Variants in KIF27 observed in about 807,000 individuals in gnomAD.
KIF27 encodes kinesin-like protein KIF27.
A neutral mutation model predicts 141.8 loss-of-function variants in KIF27; 84 were observed. The observed-to-expected ratio is 0.59, with a 90% CI of 0.50 to 0.71. The LOEUF (loss-of-function observed/expected upper bound fraction) is 0.71. Ranked by LOEUF, KIF27 falls within the 30% of genes least tolerant of loss-of-function variation. The probability of loss-of-function intolerance (pLI) is 0.00; values close to 1 mark genes in which losing one functional copy is unlikely to be tolerated. For synonymous variants in KIF27, 471 were observed against 569.5 expected (o/e 0.83, Z 2.46); for missense variants, 1,306 against 1,628.4 (o/e 0.80, Z 3.41).
At chr9:83,900,747 GTATA>G (rs779373948) in intron 4 of KIF27, among the ~76,000 whole-genome samples, 19 of 151,804 alleles carry the variant, frequency 1.3e-4, no homozygotes, top group African/African-American at 4.6e-4. Flanking sequence ...ATATATACGT[GTATA>G]TATATGTATA....
chr9:83,850,149 T>C lies in KIF27; in HGVS notation c.3506A>G (p.Gln1169Arg), dbSNP rs1948378136. The C allele has an allele frequency of 3.1e-6, 5 of 1,613,880 alleles. No individual in the cohort carries two copies. The African/African-American group carries it at 5.3e-5, about 17-fold the overall frequency. Residue 1169 changes from glutamine to arginine, a missense_variant, in exon 16 of 18, where the codon CAG becomes CGG. Physicochemically the swap from Gln to Arg is conservative, Grantham distance 43 (BLOSUM62 1). Coordinates refer to ENST00000297814, the MANE Select transcript of KIF27 (RefSeq NM_017576.4). ...KLQCDRRLTLQQKEHEQKMQL... is the reference protein window; with the variant it reads ...KLQCDRRLTLRQKEHEQKMQL... Reference sequence around the variant, plus strand: ...CATCTTTTGTTCGTGTTCCTTTTGCTGGAGGGTCAGTCTCCGGTCACACTG... The same window carrying C: ...CATCTTTTGTTCGTGTTCCTTTTGCCGGAGGGTCAGTCTCCGGTCACACTG...
In KIF27 at chr9:83,853,853, C is replaced by A; in HGVS notation, c.3151-18G>T. On this transcript the variant is annotated intron_variant, in intron 14 of 17. Coordinates refer to ENST00000297814, the MANE Select transcript of KIF27 (RefSeq NM_017576.4). ...TGTTCTTCCTAGATATAACAGAAAT[C>A]ACTCATTTTAAATGAAATAGTATAA... The A allele has an allele frequency of 6.5e-7, 1 of 1,537,790 alleles. No homozygotes were observed. Among genetic ancestry groups the A allele is most frequent in the Non-Finnish European group, 9.0e-7 (1 of 1,111,746 alleles).
chr9:83,881,346 G>C (rs1196061973), intron 10 of KIF27, among the ~76,000 whole-genome samples: 2 of 152,074 alleles, frequency 1.3e-5, no homozygotes, highest in Non-Finnish European at 2.9e-5. Flanking sequence ...GCATAAAAAA[G>C]GTAAAGGGAT....
intron 17 of KIF27, among the ~76,000 whole-genome samples, chr9:83,838,241 G>GTT (rs11409684): frequency 2.7e-4 from 41 of 149,788 alleles, no homozygotes; most frequent in African/African-American, 4.4e-4. Context: ...GTTTTTTGTT[G>GTT]TTTTTTTTTT....
intron 14 of KIF27, 108 bp from the exon 15 acceptor site, chr9:83,853,943 T>C: frequency 2.5e-6 from 2 of 791,962 alleles, no homozygotes; most frequent in South Asian, 1.7e-5. Flanking sequence ...TTACCACTCT[T>C]GTACTAGATT....
intron 12 of KIF27, among the ~76,000 whole-genome samples, chr9:83,868,854 C>T (rs1464690567): frequency 6.6e-6 from 1 of 152,110 alleles, no homozygotes; most frequent in African/African-American, 2.4e-5. Context: ...ATAGTATAAT[C>T]TTATAAGCAC....
At chr9:83,912,524 A>G (rs572188874) in intron 2 of KIF27, among the ~76,000 whole-genome samples, 16 of 152,366 alleles carry the variant, frequency 1.1e-4, no homozygotes, top group African/African-American at 3.8e-4. Context: ...TCCAGAATAA[A>G]TAATTGACCA....
intron 17 of KIF27, among the ~76,000 whole-genome samples, chr9:83,841,929 T>C (rs985119705): frequency 1.2e-4 from 18 of 152,340 alleles, no homozygotes; most frequent in South Asian, 1.0e-3. Flanking sequence ...CTTAATTTAC[T>C]ATAAAATAGG....
intron 13 of KIF27, among the ~76,000 whole-genome samples, chr9:83,863,990 G>T (rs1950155528): frequency 6.6e-6 from 1 of 152,096 alleles, no homozygotes; most frequent in African/African-American, 2.4e-5. Context: ...TTCTCTGATG[G>T]TAGTTTGTAT....
chr9:83,907,928 T>G (rs1404700791), intron 3 of KIF27, among the ~76,000 whole-genome samples: 2 of 152,184 alleles, frequency 1.3e-5, no homozygotes, highest in South Asian at 4.1e-4. Flanking sequence ...TAACTTCACC[T>G]TACCAACCAG....
intron 14 of KIF27, chr9:83,858,541 G>A (rs1470154485): frequency 6.6e-6 from 1 of 152,034 alleles, no homozygotes; most frequent in East Asian, 1.9e-4. Context: ...AAAAGACAAA[G>A]TCTGGGGCAA....
chr9:83,846,273 T>C (rs192570354), intron 16 of KIF27, among the ~76,000 whole-genome samples: 1 of 152,302 alleles, frequency 6.6e-6, no homozygotes, highest in African/African-American at 2.4e-5. Context: ...AGACACTTAC[T>C]CCGGATGTGG....
intron 11 of KIF27, among the ~76,000 whole-genome samples, chr9:83,879,966 G>A (rs1156723403): frequency 6.6e-6 from 1 of 152,152 alleles, no homozygotes; most frequent in African/African-American, 2.4e-5. Context: ...TTTGAAAACA[G>A]AAAATCCTAT....
At chr9:83,910,141 C>T (rs1955000568) in intron 2 of KIF27, among the ~76,000 whole-genome samples, 1 of 151,950 alleles carries the variant, frequency 6.6e-6, no homozygotes, top group African/African-American at 2.4e-5. Context: ...AATACTAGAT[C>T]CAGAGAGGTG....
At chr9:83,848,075 A>ATATGATATATCATATATATGATATATC (rs373093955) in intron 16 of KIF27, among the ~76,000 whole-genome samples, 1 of 66,502 alleles carries the variant, frequency 1.5e-5, no homozygotes, top group African/African-American at 7.6e-5. Flanking sequence ...TATATGATAT[A>ATATGATATATCATATATATGATATATC]TGATATATCA....
chr9:83,915,279 G>A lies in KIF27; in HGVS notation c.298+15C>T. The A allele has an allele frequency of 6.3e-7, 1 of 1,578,076 alleles. No individual in the cohort carries two copies. Among genetic ancestry groups the A allele is most frequent in the African/African-American group, 1.4e-5 (1 of 73,338 alleles). ...TAGCGTCACAAATAAAAGTCAAAGAGTATAAGAATCTTACCAATATGGCCC... is the reference window on the plus strand; with the variant it reads ...TAGCGTCACAAATAAAAGTCAAAGAATATAAGAATCTTACCAATATGGCCC... On this transcript the variant is annotated intron_variant, in intron 2 of 17. Transcript: ENST00000297814.
At chr9:83,865,132 C>A (rs1288174309) in intron 13 of KIF27, among the ~76,000 whole-genome samples, 1 of 152,046 alleles carries the variant, frequency 6.6e-6, no homozygotes, top group Non-Finnish European at 1.5e-5. Flanking sequence ...TATATGATGT[C>A]TTTGATACTC....
rs534006178 is a variant in KIF27, at chr9:83,865,908, A to G, written c.2934+1776T>C. Among the ~76,000 whole-genome samples the G allele has an allele frequency of 2.6e-5, 4 of 152,282 alleles. No individual in the cohort carries two copies. In the South Asian group the frequency reaches 8.3e-4, roughly 32 times the overall value. ...GGGGCTTCCAAATTTAAGAGTTTTCATATCTTTTTAGATGTTTCAGAAAAT... is the reference window on the plus strand; with the variant it reads ...GGGGCTTCCAAATTTAAGAGTTTTCGTATCTTTTTAGATGTTTCAGAAAAT... On this transcript the variant is annotated intron_variant, in intron 13 of 17. Coordinates refer to ENST00000297814, the MANE Select transcript of KIF27 (RefSeq NM_017576.4).
chr9:83,847,945 T>C (rs111828002), intron 16 of KIF27: 8 of 137,132 alleles, frequency 5.8e-5, no homozygotes, highest in East Asian at 4.1e-4. Context: ...TTTATGTTTA[T>C]ATATATATTT....
Sources: gnomAD v4.1 joint callset for allele counts (sites outside exome capture counted in the v4.1 genomes callset) on GRCh38, gnomAD v4.1.1 for gene constraint, MANE v1.5 for transcripts, NCBI Gene and HGNC (gene_info 2026-07-23, HGNC 2026-07-21) for gene names.